Variants in FGD4 observed in about 807,000 individuals in gnomAD.
The protein encoded by FGD4 is FYVE, RhoGEF and PH domain-containing protein 4.
FGD4 carries 42 observed loss-of-function variants against 102.0 expected under a neutral mutation model. The observed-to-expected ratio is 0.41, with a 90% CI of 0.32 to 0.53. The LOEUF (loss-of-function observed/expected upper bound fraction) is 0.53. Ranked by LOEUF, FGD4 falls within the 20% of genes least tolerant of loss-of-function variation. The pLI is 0.21. For synonymous variants in FGD4, 380 were observed against 375.7 expected (o/e 1.01, Z -0.13); for missense variants, 902 against 1,078.2 (o/e 0.84, Z 2.29).
chr12:32,528,499 C>G (rs1651386864), intron 1 of FGD4, among the ~76,000 whole-genome samples: 2 of 152,156 alleles, frequency 1.3e-5, no homozygotes, highest in Non-Finnish European at 2.9e-5. Flanking sequence ...AGCAATTCTC[C>G]TGACTCAAGC....
intron 1 of FGD4, among the ~76,000 whole-genome samples, chr12:32,462,095 T>G (rs1435345439): frequency 1.3e-5 from 2 of 152,200 alleles, no homozygotes; most frequent in African/African-American, 4.8e-5. Context: ...ATCAGGTGGT[T>G]TATAGCAAGT....
At chr12:32,539,534 A>G (rs1313131887) in intron 1 of FGD4, among the ~76,000 whole-genome samples, 2 of 151,246 alleles carry the variant, frequency 1.3e-5, no homozygotes, top group Non-Finnish European at 2.9e-5. Context: ...GCGCCATTGC[A>G]CTCCAGCCTG....
At chr12:32,508,205 T>C (rs1938987585) in intron 1 of FGD4, among the ~76,000 whole-genome samples, 1 of 152,216 alleles carries the variant, frequency 6.6e-6, no homozygotes, top group Admixed American at 6.5e-5. Flanking sequence ...GGCCAGGAAG[T>C]GCAGTCTTTG....
rs371181981 is a variant in FGD4, at chr12:32,582,369, G to A, written c.913G>A (p.Glu305Lys). 2 of 1,614,098 alleles carry A rather than the reference G, an allele frequency of 1.2e-6. No homozygotes were observed. Among genetic ancestry groups the A allele is most frequent in the Non-Finnish European group, 8.5e-7 (1 of 1,179,996 alleles). Residue 305 changes from glutamate (E) to lysine (K), a missense_variant, in exon 4 of 17, where the codon GAA becomes AAA. Around this residue, in one of 2 missense-constraint regions of FGD4, gnomAD observed 443 missense variants for 459.2 expected, o/e 0.96. Transcript: ENST00000534526. Reference protein sequence around the residue: ...TPGIGPVLPLEERGAETETKV... With the variant: ...TPGIGPVLPLKERGAETETKV... ...AGGCATAGGCCCAGTGCTCCCCCTAGAAGAAAGAGGGGCAGAAACAGAAAC... is the reference window on the plus strand; with the variant it reads ...AGGCATAGGCCCAGTGCTCCCCCTAAAAGAAAGAGGGGCAGAAACAGAAAC...
intron 1 of FGD4, chr12:32,486,146 G>C: frequency 6.5e-7 from 1 of 1,527,324 alleles, no homozygotes; most frequent in Non-Finnish European, 8.7e-7. Context: ...GGGGGGCTGT[G>C]AGTATTGTTT....
At chr12:32,528,392 T>C (rs1279505600) in intron 1 of FGD4, among the ~76,000 whole-genome samples, 1 of 152,098 alleles carries the variant, frequency 6.6e-6, no homozygotes, top group Non-Finnish European at 1.5e-5. Context: ...CATCCTCCCT[T>C]ACACTTTTTT....
chr12:32,590,975 G>A (rs1482739394), intron 4 of FGD4, among the ~76,000 whole-genome samples: 1 of 152,134 alleles, frequency 6.6e-6, no homozygotes, highest in African/African-American at 2.4e-5. Flanking sequence ...TTAACAGCCT[G>A]CAGCCCCAAT....
intron 4 of FGD4, among the ~76,000 whole-genome samples, chr12:32,594,248 G>T (rs149792828): frequency 0.031 from 4,753 of 152,136 alleles, 138 homozygotes; most frequent in Non-Finnish European, 0.042. Context: ...TACCATCTGA[G>T]CTCCACCTCC....
rs1257577650 is a variant in FGD4 at position 32,581,579 on chromosome 12, G to A, written c.504-381G>A. 2.0e-5 allele frequency among the ~76,000 whole-genome samples: 3 copies of A among 152,162 alleles called. No individual in the cohort carries two copies. The East Asian group carries it at 5.8e-4, about 29-fold the overall frequency. The stretch of plus-strand genomic sequence containing the variant: ...CATCAATAAGTAAAAATGTTAGGAA[G>A]AGATGATAAATACGTAAGTATTATA... On this transcript the variant is annotated intron_variant, in intron 3 of 16. Transcript: ENST00000534526.
intron 1 of FGD4, among the ~76,000 whole-genome samples, chr12:32,440,014 C>T (rs1314682011): frequency 2.6e-5 from 4 of 151,738 alleles, no homozygotes; most frequent in African/African-American, 7.3e-5. Flanking sequence ...TTTCAATCTC[C>T]GTTAAATTTA....
intron 14 of FGD4, among the ~76,000 whole-genome samples, chr12:32,628,427 T>C (rs1044150289): frequency 6.6e-6 from 1 of 151,266 alleles, no homozygotes; most frequent in Non-Finnish European, 1.5e-5. Context: ...AAGAGTTTGA[T>C]TCTAGAGTGA....
At chr12:32,460,317 G>T (rs1042026316) in intron 1 of FGD4, among the ~76,000 whole-genome samples, 51 of 152,072 alleles carry the variant, frequency 3.4e-4, no homozygotes, top group African/African-American at 1.2e-3. Context: ...TTCGAGACCA[G>T]CCTGGGCAAC....
At chr12:32,412,391 G>T (rs1941243093) in intron 1 of FGD4, among the ~76,000 whole-genome samples, 1 of 152,134 alleles carries the variant, frequency 6.6e-6, no homozygotes, top group Admixed American at 6.6e-5. Context: ...AATACCTGTT[G>T]ATTTTTAAGG....
At chr12:32,607,443 A>T (rs76533560) in intron 7 of FGD4, among the ~76,000 whole-genome samples, 58 of 152,150 alleles carry the variant, frequency 3.8e-4, no homozygotes, top group Non-Finnish European at 7.5e-4. Context: ...AAAAAAATGC[A>T]TATTCTCCAT....
In FGD4 at chr12:32,576,431, G is replaced by A; in HGVS notation, c.485G>A (p.Ser162Asn). The change falls in exon 3 of 17, where the codon AGT (serine) becomes AAT (asparagine). Residue 162 changes from serine to asparagine, a missense_variant. Ser to Asn is a conservative substitution (Grantham distance 46). Around this residue, in one of 2 missense-constraint regions of FGD4, gnomAD observed 443 missense variants for 459.2 expected, o/e 0.96. Coordinates refer to ENST00000534526, the MANE Select transcript of FGD4 (RefSeq NM_001370298.3). Reference protein sequence around the residue: ...EKPSKVSDLISRFEGGSSLSN... With the variant: ...EKPSKVSDLINRFEGGSSLSN... ...CCCAGTAAGGTATCAGATCTCATCA[G>A]TCGCTTTGAAGGAGGCAGGTAAGAG... The A allele has an allele frequency of 6.2e-7, 1 of 1,614,162 alleles. No homozygotes were observed. The highest frequency in any genetic ancestry group is 1.1e-5 in the South Asian group (1 of 91,084).
rs41276670 is a variant in FGD4 at position 32,582,786 on chromosome 12, T to A, written c.1011+319T>A. 0.011 allele frequency: 3,838 copies of A among 356,842 alleles called. 37 individuals carry two copies. Among genetic ancestry groups the A allele is most frequent in the Non-Finnish European group, 0.015 (2,932 of 191,524 alleles). The allele number at this position is 356,842 out of a possible 1,614,324, so 22.1% of individuals were successfully genotyped here. ...AAAATGTTCCTTGTTGCTCTAGATG[T>A]TGGTGCTGTATCCCTAATACTTACG... On this transcript the variant is annotated intron_variant, in intron 4 of 16. Coordinates refer to ENST00000534526, the MANE Select transcript of FGD4 (RefSeq NM_001370298.3).
chr12:32,484,784 A>C (rs1943847241), intron 1 of FGD4, among the ~76,000 whole-genome samples: 1 of 152,176 alleles, frequency 6.6e-6, no homozygotes. Flanking sequence ...AGGCAGGAGA[A>C]TAGCTTGAAC....
intron 4 of FGD4, among the ~76,000 whole-genome samples, chr12:32,594,460 T>G (rs1294186868): frequency 6.6e-6 from 1 of 151,890 alleles, no homozygotes; most frequent in Non-Finnish European, 1.5e-5. Flanking sequence ...TTATGGTGAG[T>G]TGTATAATTA....
At chr12:32,612,392 G>A (rs111405102) in intron 10 of FGD4, among the ~76,000 whole-genome samples, 6 of 152,248 alleles carry the variant, frequency 3.9e-5, no homozygotes, top group Admixed American at 1.3e-4. Flanking sequence ...CAAACCAAGC[G>A]CAGCCTGCCA....
Sources: gnomAD v4.1 joint callset for allele counts (sites outside exome capture counted in the v4.1 genomes callset) on GRCh38, gnomAD v4.1.1 for gene constraint, gnomAD v4.1.1 regional missense constraint, MANE v1.5 for transcripts, NCBI Gene and HGNC (gene_info 2026-07-23, HGNC 2026-07-21) for gene names.